DGKH: variants seen among roughly 807,000 people sequenced by gnomAD.
The protein encoded by DGKH is DAG kinase eta.
In DGKH, 90 loss-of-function variants were observed where a neutral mutation model predicts 159.3. The ratio of observed to expected loss-of-function variants is 0.57; its 90% CI spans 0.48 to 0.67. The LOEUF (loss-of-function observed/expected upper bound fraction) is 0.67, where lower values mean the gene tolerates loss of function less well. Ranked by LOEUF, DGKH falls within the 30% of genes least tolerant of loss-of-function variation. The probability of loss-of-function intolerance (pLI) is 0.00; values close to 1 mark genes in which losing one functional copy is unlikely to be tolerated. For missense variants in DGKH, 1,181 were observed against 1,506.1 expected (o/e 0.78, Z 3.57); for synonymous variants, 536 against 553.8 (o/e 0.97, Z 0.45).
rs574359538 is a variant in DGKH, at chr13:42,220,319, A to T, written c.3442+525A>T. 2.6e-5 allele frequency among the ~76,000 whole-genome samples: 4 copies of T among 152,312 alleles called. No homozygotes were observed. In the East Asian group the frequency reaches 5.8e-4, roughly 22 times the overall value. ...AGGACACTGTTTCAACCCCTCGACA[A>T]TGACAATATGCTGTGATACTTGCAT... On this transcript the variant is annotated intron_variant, in intron 28 of 29. Transcript: ENST00000337343.
intron 20 of DGKH, among the ~76,000 whole-genome samples, chr13:42,203,828 A>G (rs1046295653): frequency 1.3e-5 from 2 of 152,150 alleles, no homozygotes; most frequent in African/African-American, 4.8e-5. Flanking sequence ...GCAAGACCAC[A>G]TCTCTCAAAA....
At chr13:42,096,538 T>G (rs1325381371) in intron 1 of DGKH, among the ~76,000 whole-genome samples, 5 of 152,232 alleles carry the variant, frequency 3.3e-5, no homozygotes, top group Admixed American at 3.3e-4. Flanking sequence ...TGACAAGTAA[T>G]TTTTGAGAGA....
chr13:42,076,144 A>T lies in DGKH; in HGVS notation c.192+27179A>T, dbSNP rs115760934. Among the ~76,000 whole-genome samples the T allele has an allele frequency of 4.0e-3, 607 of 152,266 alleles. 6 individuals carry two copies. Among genetic ancestry groups the T allele is most frequent in the African/African-American group, 0.014 (593 of 41,560 alleles). On this transcript the variant is annotated intron_variant, in intron 1 of 29. Transcript: ENST00000337343. ...CTCAAAATTTAGTCTATGATTTTTT[A>T]AAAAAACCGAAGTCTGTAGGCACCA... is the stretch of plus-strand genomic sequence containing the variant.
At chr13:42,081,704 T>C (rs1447695848) in intron 1 of DGKH, among the ~76,000 whole-genome samples, 1 of 152,226 alleles carries the variant, frequency 6.6e-6, no homozygotes, top group East Asian at 1.9e-4. Flanking sequence ...TTCTGATATG[T>C]CCCCAGCATT....
Position 42,168,458 on chromosome 13 carries a change from G to T in DGKH, c.1137G>T (p.Lys379Asn), listed in dbSNP as rs975706185. Reference protein sequence around the residue: ...GPHLGLRLFQKFDNFRILVCG... With the variant: ...GPHLGLRLFQNFDNFRILVCG... Reference sequence around the variant, plus strand: ...CTTTCAGTTTAAGATTATTTCAGAAGTTTGACAATTTCCGGATTCTTGTTT... The same window carrying T: ...CTTTCAGTTTAAGATTATTTCAGAATTTTGACAATTTCCGGATTCTTGTTT... Residue 379 changes from lysine (K) to asparagine (N), a missense_variant, in exon 10 of 30, where the codon AAG (lysine) becomes AAT (asparagine). Physicochemically the swap from Lys to Asn is moderately conservative, Grantham distance 94 (BLOSUM62 0). Transcript: ENST00000337343. The T allele has an allele frequency of 6.2e-7, 1 of 1,613,992 alleles. No homozygotes were observed. The highest frequency in any genetic ancestry group is 1.7e-5 in the Admixed American group (1 of 60,000).
At chr13:42,165,639 G>A (rs17520002) in intron 8 of DGKH, among the ~76,000 whole-genome samples, 17,802 of 152,014 alleles carry the variant, frequency 0.12, 1,381 homozygotes, top group South Asian at 0.18. Context: ...TAACATTGGC[G>A]AAATTACTGT....
intron 11 of DGKH, among the ~76,000 whole-genome samples, chr13:42,173,231 A>G (rs1051691793): frequency 1.3e-5 from 2 of 152,058 alleles, no homozygotes; most frequent in Non-Finnish European, 2.9e-5. Flanking sequence ...TCAGTCTCCC[A>G]AAGTGCTGGG....
chr13:42,254,407 T>C (rs999866329), intron 30 of DGKH, among the ~76,000 whole-genome samples: 2 of 152,064 alleles, frequency 1.3e-5, no homozygotes. Flanking sequence ...GCAGATCACC[T>C]GATCACCTGA....
chr13:42,098,477 ACT>A (rs899951492), intron 1 of DGKH, among the ~76,000 whole-genome samples: 30 of 145,882 alleles, frequency 2.1e-4, no homozygotes, highest in African/African-American at 7.7e-4. Flanking sequence ...ACAGAGCGAG[ACT>A]CTGTCTCAAA....
intron 12 of DGKH, 129 bp downstream of exon 12, chr13:42,174,273 A>G (rs1485619735): frequency 1.6e-5 from 12 of 762,026 alleles, no homozygotes; most frequent in Non-Finnish European, 2.5e-5. Flanking sequence ...TTTTTGGGGT[A>G]TGGTCTCATT....
At position 42,160,281 on chromosome 13, in the gene DGKH, T is replaced by C. The variant is rs918537051; in HGVS notation, c.855+145T>C. 9 of 1,157,046 alleles carry C rather than the reference T, an allele frequency of 7.8e-6. No individual in the cohort carries two copies. In the African/African-American group the frequency reaches 1.2e-4, roughly 16 times the overall value. 71.7% of individuals were successfully genotyped at this position (1,157,046 alleles called of 1,614,324 possible). A position where few individuals can be genotyped will look rare whatever the true frequency, so the allele number is the denominator to read the frequency against. ...ATCTCATGATGACATTCTTCTTTCC[T>C]TACAGTATAGTCCTCCTAGTCTGGT... On this transcript the variant is annotated intron_variant, in intron 7 of 29. Coordinates refer to ENST00000337343, the MANE Select transcript of DGKH (RefSeq NM_178009.5).
chr13:42,041,989 GCTCCTTTGCCCAGAGTAC>G (rs1003087154), intron 1 of DGKH, among the ~76,000 whole-genome samples: 2 of 152,270 alleles, frequency 1.3e-5, no homozygotes, highest in East Asian at 1.9e-4. Flanking sequence ...TACGCTCTCA[GCTCCTTTGCCCAGAGTAC>G]CTCCTTTGCC....
upstream of DGKH, among the ~76,000 whole-genome samples, chr13:42,044,945 A>C (rs1279354894): frequency 2.0e-5 from 3 of 152,178 alleles, no homozygotes; most frequent in Non-Finnish European, 4.4e-5. Context: ...ACACTTCAAA[A>C]ATGTGGAAGT....
Position 42,077,124 on chromosome 13 carries a change from A to G in DGKH, c.192+28159A>G, listed in dbSNP as rs1954114951. On this transcript the variant is annotated intron_variant, in intron 1 of 29. Transcript: ENST00000337343. ...TCTTCTTGGTACTTTCAAATTGCTC[A>G]TATTTGTAATAATTCTTCCACTAGA... Among the ~76,000 whole-genome samples the G allele has an allele frequency of 2.6e-5, 4 of 152,266 alleles. No homozygotes were observed. The South Asian group carries it at 8.3e-4, about 32-fold the overall frequency.
chr13:42,073,988 G>C (rs1428723316), intron 1 of DGKH, among the ~76,000 whole-genome samples: 1 of 152,166 alleles, frequency 6.6e-6, no homozygotes, highest in East Asian at 1.9e-4. Flanking sequence ...ATGGAACTTA[G>C]TTCTCATAGA....
upstream of DGKH, among the ~76,000 whole-genome samples, chr13:42,045,499 C>T (rs867585510): frequency 1.3e-5 from 2 of 152,158 alleles, no homozygotes; most frequent in African/African-American, 2.4e-5. Flanking sequence ...GCCTCAGATA[C>T]GAGGATGACC....
rs7327843 is a variant in DGKH at position 42,129,850 on chromosome 13, A to G, written c.384+218A>G. 1.3e-3 allele frequency among the ~76,000 whole-genome samples: 193 copies of G among 152,210 alleles called. 1 individual carries two copies. The highest frequency in any genetic ancestry group is 4.5e-3 in the African/African-American group (186 of 41,520). On this transcript the variant is annotated intron_variant, in intron 3 of 29. Transcript: ENST00000337343. Reference sequence around the variant, plus strand: ...TAAATATACTTTTTAAAAATTTTATAATTTTTCCCTTTTAATTTTAGTGCT... The same window carrying G: ...TAAATATACTTTTTAAAAATTTTATGATTTTTCCCTTTTAATTTTAGTGCT...
At chr13:42,209,183 T>A in intron 22 of DGKH, 111 bp downstream of exon 22, 1 of 1,364,054 alleles carries the variant, frequency 7.3e-7, no homozygotes. Context: ...TCTGACTTTG[T>A]TGTCATATCA....
intron 1 of DGKH, among the ~76,000 whole-genome samples, chr13:42,051,982 G>T (rs1016370063): frequency 6.6e-6 from 1 of 152,138 alleles, no homozygotes; most frequent in Non-Finnish European, 1.5e-5. Flanking sequence ...TTTTAAGACA[G>T]CACAAGCAGT....
Sources: allele counts gnomAD v4.1 joint callset (sites outside exome capture counted in the v4.1 genomes callset), GRCh38; gene constraint gnomAD v4.1.1; transcripts MANE v1.5; gene names NCBI Gene and HGNC (gene_info 2026-07-23, HGNC 2026-07-21).